Variants in CALN1 observed in about 807,000 individuals in gnomAD.
The protein encoded by CALN1 is calcium-binding protein 8.
CALN1 carries 17 observed loss-of-function variants against 30.6 expected under a neutral mutation model. The observed-to-expected ratio is 0.56, with a 90% CI of 0.38 to 0.83. The LOEUF (loss-of-function observed/expected upper bound fraction) is 0.83. Ranked by LOEUF, CALN1 falls within the 40% of genes least tolerant of loss-of-function variation. The pLI, the probability that CALN1 is intolerant of heterozygous loss-of-function variation, is 0.00. For synonymous variants in CALN1, 156 were observed against 131.4 expected (o/e 1.19, Z -1.28); for missense variants, 291 against 354.9 (o/e 0.82, Z 1.45).
At chr7:72,454,115 T>G in the CALN1 span, among the ~76,000 whole-genome samples, 1 of 152,104 alleles carries the variant, frequency 6.6e-6, no homozygotes, top group African/African-American at 2.4e-5. Context: ...GTCCGTACGT[T>G]TTACTAATAT....
chr7:71,937,335 A>C (rs78137315), intron 5 of CALN1, among the ~76,000 whole-genome samples: 11,245 of 151,642 alleles, frequency 0.074, 721 homozygotes, highest in East Asian at 0.22. Flanking sequence ...CCAAAAAAAA[A>C]CCCCATACGT....
chr7:71,983,001 T>C (rs987068576), intron 5 of CALN1, among the ~76,000 whole-genome samples: 1 of 152,094 alleles, frequency 6.6e-6, no homozygotes. Flanking sequence ...ATTTGCATAA[T>C]AAGATTAGGG....
At chr7:72,318,252 C>T (rs1374622176) in intron 2 of CALN1, among the ~76,000 whole-genome samples, 1 of 152,194 alleles carries the variant, frequency 6.6e-6, no homozygotes, top group African/African-American at 2.4e-5. Context: ...GTTATTTTCT[C>T]TTCTGCTAAT....
At chr7:72,177,744 G>T (rs1392821808) in intron 3 of CALN1, among the ~76,000 whole-genome samples, 1 of 99,618 alleles carries the variant, frequency 1.0e-5, no homozygotes, top group Admixed American at 1.2e-4. Flanking sequence ...CAGCCTGGGC[G>T]ACAGAGGGAA....
chr7:72,404,708 T>G (rs2129562234), intron 1 of CALN1, among the ~76,000 whole-genome samples: 1 of 152,310 alleles, frequency 6.6e-6, no homozygotes, highest in East Asian at 1.9e-4. Flanking sequence ...TGCTCATGCC[T>G]GGGAAGTGGT....
At chr7:72,154,831 A>G (rs1268375420) in intron 3 of CALN1, among the ~76,000 whole-genome samples, 1 of 152,048 alleles carries the variant, frequency 6.6e-6, no homozygotes, top group Non-Finnish European at 1.5e-5. Flanking sequence ...GGATTACTTG[A>G]GCCTAGGAGT....
intron 4 of CALN1, among the ~76,000 whole-genome samples, chr7:72,033,798 C>T (rs1013226558): frequency 4.6e-5 from 7 of 152,090 alleles, no homozygotes; most frequent in Admixed American, 3.3e-4. Context: ...GGTATGAAAG[C>T]GCCAGAACTT....
intron 2 of CALN1, among the ~76,000 whole-genome samples, chr7:72,315,081 T>C (rs1240012526): frequency 6.6e-6 from 1 of 151,794 alleles, no homozygotes; most frequent in African/African-American, 2.4e-5. Context: ...AGCTAGGGGT[T>C]CAAGGTGGCA....
chr7:72,278,823 G>C lies in CALN1; in HGVS notation c.120-13C>G. ...CGGCATCTTTTCCCTGCCCAAGAGA[G>C]AACAGGGGAGGGGAAAAGAAAGACA... On this transcript the variant is annotated splice_polypyrimidine_tract_variant and intron_variant, in intron 2 of 6. Coordinates refer to ENST00000395275, the MANE Select transcript of CALN1 (RefSeq NM_031468.4). 2 of 1,600,110 alleles carry C rather than the reference G, an allele frequency of 1.2e-6. No individual in the cohort carries two copies. Among genetic ancestry groups the C allele is most frequent in the Admixed American group, 1.7e-5 (1 of 59,828 alleles).
At chr7:72,102,219 C>T (rs1019323102) in intron 4 of CALN1, among the ~76,000 whole-genome samples, 21 of 151,924 alleles carry the variant, frequency 1.4e-4, no homozygotes, top group Non-Finnish European at 1.9e-4. Context: ...CTGAGGCAGG[C>T]GGATCACTTG....
rs115550748 is a variant in CALN1, at chr7:72,060,610, A to T, written c.389-36841T>A. 4.3e-3 allele frequency among the ~76,000 whole-genome samples: 656 copies of T among 152,296 alleles called. 7 individuals are homozygous for T. The highest frequency in any genetic ancestry group is 0.015 in the African/African-American group (604 of 41,556). Reference sequence around the variant, plus strand: ...TGGATATTTGTCCCCTTCAAATCTCATGTTGGAATGTGAGCCCCAATGTTG... The same window carrying T: ...TGGATATTTGTCCCCTTCAAATCTCTTGTTGGAATGTGAGCCCCAATGTTG... On this transcript the variant is annotated intron_variant, in intron 4 of 6. Coordinates refer to ENST00000395275, the MANE Select transcript of CALN1 (RefSeq NM_031468.4).
At chr7:71,966,555 A>G (rs1397715447) in intron 5 of CALN1, among the ~76,000 whole-genome samples, 5 of 152,140 alleles carry the variant, frequency 3.3e-5, no homozygotes, top group Admixed American at 2.0e-4. Context: ...TGGTCCTGCC[A>G]TGTAAGATGC....
intron 2 of CALN1, among the ~76,000 whole-genome samples, chr7:72,330,024 C>T (rs1801555230): frequency 6.6e-6 from 1 of 151,752 alleles, no homozygotes; most frequent in Non-Finnish European, 1.5e-5. Context: ...GGCGCAGTGG[C>T]TTATACCTGT....
chr7:72,258,929 A>G (rs1306016244), intron 3 of CALN1, among the ~76,000 whole-genome samples: 1 of 151,262 alleles, frequency 6.6e-6, no homozygotes, highest in Non-Finnish European at 1.5e-5. Context: ...GAAAGAAAGA[A>G]AATTAGCCAG....
At chr7:72,362,280 C>T (rs536313451) in intron 2 of CALN1, among the ~76,000 whole-genome samples, 2 of 152,274 alleles carry the variant, frequency 1.3e-5, no homozygotes, top group Admixed American at 1.3e-4. Context: ...ATAAGTGATA[C>T]GCCCACATGG....
At chr7:72,497,128 G>A in the CALN1 span, among the ~76,000 whole-genome samples, 2 of 152,056 alleles carry the variant, frequency 1.3e-5, no homozygotes, top group African/African-American at 4.8e-5. Context: ...TTTAGCAGGC[G>A]CTCAGTGCTA....
chr7:72,365,228 C>A (rs1015778894), intron 2 of CALN1, among the ~76,000 whole-genome samples: 2 of 152,018 alleles, frequency 1.3e-5, no homozygotes, highest in African/African-American at 4.8e-5. Context: ...TCACCTGAAC[C>A]CAGGAGGGTT....
the CALN1 span, among the ~76,000 whole-genome samples, chr7:72,497,845 C>A: frequency 6.6e-6 from 1 of 152,114 alleles, no homozygotes; most frequent in Non-Finnish European, 1.5e-5. Context: ...TAAATAGTAT[C>A]CCCACAGGCA....
intron 4 of CALN1, among the ~76,000 whole-genome samples, chr7:72,049,809 ATTTCTT>A (rs1802719877): frequency 1.1e-5 from 1 of 90,554 alleles, no homozygotes; most frequent in Non-Finnish European, 1.9e-5. Flanking sequence ...GGCCAAGTCT[ATTTCTT>A]TTTTTTTTTT....
Sources: gnomAD v4.1 joint callset for allele counts (sites outside exome capture counted in the v4.1 genomes callset) on GRCh38, gnomAD v4.1.1 for gene constraint, MANE v1.5 for transcripts, NCBI Gene and HGNC (gene_info 2026-07-23, HGNC 2026-07-21) for gene names.